Variants in SNTG1 observed in about 807,000 individuals in gnomAD.
SNTG1 encodes syntrophin gamma 1.
SNTG1 carries 39 observed loss-of-function variants against 74.7 expected under a neutral mutation model. The observed-to-expected ratio is 0.52, with a 90% CI of 0.40 to 0.68. SNTG1 has a LOEUF of 0.68. Among genes scored for constraint, SNTG1 ranks in the 30% least tolerant of loss-of-function variants. SNTG1 has a pLI of 0.00. For synonymous variants in SNTG1, 254 were observed against 217.1 expected (o/e 1.17, Z -1.49); for missense variants, 685 against 609.5 (o/e 1.12, Z -1.30).
chr8:50,635,437 A>G (rs928983516), intron 13 of SNTG1, among the ~76,000 whole-genome samples: 3 of 152,258 alleles, frequency 2.0e-5, no homozygotes, highest in Middle Eastern at 3.4e-3. Flanking sequence ...CAGGGCCTGG[A>G]GTCAGAAACC....
At chr8:50,234,838 T>C (rs1373521360) in intron 2 of SNTG1, among the ~76,000 whole-genome samples, 2 of 152,044 alleles carry the variant, frequency 1.3e-5, no homozygotes, top group Non-Finnish European at 2.9e-5. Flanking sequence ...TTCTGATAGA[T>C]CATATCAGAA....
chr8:50,100,215 G>T (rs1387002006), intron 1 of SNTG1, among the ~76,000 whole-genome samples: 1 of 152,008 alleles, frequency 6.6e-6, no homozygotes, highest in Non-Finnish European at 1.5e-5. Context: ...AAAAAAAGTT[G>T]ATTTCATAGA....
At chr8:50,589,612 G>A (rs2094678915) in intron 12 of SNTG1, among the ~76,000 whole-genome samples, 1 of 150,876 alleles carries the variant, frequency 6.6e-6, no homozygotes, top group Non-Finnish European at 1.5e-5. Context: ...AAACATTGCA[G>A]TTTACGAAGC....
At chr8:50,033,334 G>A (rs1044396687) in intron 1 of SNTG1, among the ~76,000 whole-genome samples, 4 of 152,072 alleles carry the variant, frequency 2.6e-5, no homozygotes, top group Non-Finnish European at 4.4e-5. Context: ...ATGTTGGTCA[G>A]GCTGGTCTCG....
intron 10 of SNTG1, among the ~76,000 whole-genome samples, chr8:50,535,329 T>C (rs768460934): frequency 6.6e-5 from 10 of 152,202 alleles, no homozygotes; most frequent in African/African-American, 1.7e-4. Context: ...CGCCACCTTG[T>C]ACTATCTCCC....
chr8:50,376,433 A>T (rs1198983820), intron 2 of SNTG1, among the ~76,000 whole-genome samples: 3 of 152,078 alleles, frequency 2.0e-5, no homozygotes, highest in Non-Finnish European at 4.4e-5. Context: ...GTGAAAAAAA[A>T]TATTACATCT....
At chr8:50,274,104 T>C (rs2087944243) in intron 2 of SNTG1, among the ~76,000 whole-genome samples, 1 of 152,092 alleles carries the variant, frequency 6.6e-6, no homozygotes, top group African/African-American at 2.4e-5. Context: ...GTTGTTGCTT[T>C]TGAGATGGAG....
intron 1 of SNTG1, among the ~76,000 whole-genome samples, chr8:49,962,187 T>C (rs1485016725): frequency 1.3e-5 from 2 of 152,008 alleles, no homozygotes; most frequent in South Asian, 2.1e-4. Context: ...GACCATAAGA[T>C]GAGCTTCATA....
At chr8:50,751,978 A>G in intron 17 of SNTG1, 23 bp from the exon 18 acceptor site, 1 of 1,365,740 alleles carries the variant, frequency 7.3e-7, no homozygotes, top group South Asian at 1.4e-5. Context: ...ACCGACTTAC[A>G]TTGTTTTTTT....
chr8:50,285,542 C>T (rs965870121), intron 2 of SNTG1, among the ~76,000 whole-genome samples: 3 of 152,096 alleles, frequency 2.0e-5, no homozygotes, highest in Admixed American at 6.6e-5. Context: ...TTAGGAAATA[C>T]ACACTTAAAA....
At chr8:50,493,008 C>G (rs1203596022) in intron 8 of SNTG1, among the ~76,000 whole-genome samples, 2 of 152,134 alleles carry the variant, frequency 1.3e-5, no homozygotes, top group Non-Finnish European at 2.9e-5. Context: ...AGAAATAACA[C>G]CACACATCTA....
chr8:50,334,146 C>T (rs1057118001), intron 2 of SNTG1, among the ~76,000 whole-genome samples: 1 of 152,174 alleles, frequency 6.6e-6, no homozygotes, highest in Non-Finnish European at 1.5e-5. Flanking sequence ...TTCTGCCCTC[C>T]TCGGCCTCCC....
chr8:50,097,896 C>T (rs2048142386), intron 1 of SNTG1, among the ~76,000 whole-genome samples: 1 of 152,112 alleles, frequency 6.6e-6, no homozygotes, highest in South Asian at 2.1e-4. Flanking sequence ...GTTTATGCAA[C>T]AGCTTTTGTT....
chr8:50,103,266 G>T (rs563299789), intron 1 of SNTG1, among the ~76,000 whole-genome samples: 1 of 152,140 alleles, frequency 6.6e-6, no homozygotes, highest in Admixed American at 6.5e-5. Context: ...TTCTTGAAGA[G>T]GTCCTTCACG....
intron 1 of SNTG1, among the ~76,000 whole-genome samples, chr8:49,954,083 G>A (rs1278801449): frequency 6.6e-6 from 1 of 152,088 alleles, no homozygotes; most frequent in Non-Finnish European, 1.5e-5. Context: ...GATTAGCACC[G>A]TTATGAGAAT....
intron 13 of SNTG1, among the ~76,000 whole-genome samples, chr8:50,619,041 T>G (rs1219021603): frequency 1.3e-5 from 2 of 152,128 alleles, no homozygotes; most frequent in African/African-American, 4.8e-5. Flanking sequence ...TATTTTTCTG[T>G]TTCCTGCTAT....
intron 1 of SNTG1, among the ~76,000 whole-genome samples, chr8:49,967,902 A>C (rs1811293408): frequency 6.6e-6 from 1 of 152,172 alleles, no homozygotes; most frequent in African/African-American, 2.4e-5. Flanking sequence ...ATCTGGCTTT[A>C]CAGCAGCTTC....
At chr8:50,507,629 T>A (rs960156560) in intron 9 of SNTG1, among the ~76,000 whole-genome samples, 2 of 152,184 alleles carry the variant, frequency 1.3e-5, no homozygotes, top group African/African-American at 4.8e-5. Context: ...TCCATATTAC[T>A]CTTTAACAAT....
chr8:49,963,253 T>A (rs1326319958), intron 1 of SNTG1, among the ~76,000 whole-genome samples: 6 of 152,168 alleles, frequency 3.9e-5, no homozygotes, highest in African/African-American at 7.2e-5. Flanking sequence ...ACCCACAGCA[T>A]GTGCTGTATG....
Sources: gnomAD v4.1 joint callset for allele counts (sites outside exome capture counted in the v4.1 genomes callset) on GRCh38, gnomAD v4.1.1 for gene constraint, MANE v1.5 for transcripts, NCBI Gene and HGNC (gene_info 2026-07-23, HGNC 2026-07-21) for gene names.